The following TYK2 variants were observed in gnomAD, a reference collection of about 807,000 sequenced individuals.
The protein encoded by TYK2 is non-receptor tyrosine-protein kinase TYK2.
A neutral mutation model predicts 130.9 loss-of-function variants in TYK2; 65 were observed. That is an observed-to-expected ratio of 0.50 (90% CI 0.41 to 0.61). The LOEUF (loss-of-function observed/expected upper bound fraction) is 0.61. Ranked by LOEUF, TYK2 falls within the 20% of genes least tolerant of loss-of-function variation. TYK2 has a pLI of 0.00. For synonymous variants in TYK2, 647 were observed against 658.9 expected, an observed-to-expected ratio of 0.98 and a Z score of 0.28; for missense variants, 1,378 against 1,610.7, an observed-to-expected ratio of 0.86 and a Z score of 2.47.
Position 10,357,928 on chromosome 19 carries a change from C to G in TYK2, c.2312-10G>C. 6.2e-7 allele frequency: 1 copy of G among 1,613,532 alleles called. No individual in the cohort carries two copies. Among genetic ancestry groups the G allele is most frequent in the Non-Finnish European group, 8.5e-7 (1 of 1,180,042 alleles). On this transcript the variant is annotated splice_polypyrimidine_tract_variant and intron_variant, in intron 16 of 24. Coordinates refer to ENST00000525621, the MANE Select transcript of TYK2 (RefSeq NM_003331.5). ...ATCCTCTCCACCCGCTCTGGGAGGC[C>G]AAGGTCAGAGGTCACCAAGGGTGAA...
intron 23 of TYK2, chr19:10,351,512 C>T (rs2040801642): frequency 8.8e-5 from 29 of 328,192 alleles, no homozygotes; most frequent in South Asian, 7.2e-4. Flanking sequence ...AATCACTCTG[C>T]AACTTCATGA....
In TYK2 at chr19:10,357,759, C is replaced by A; in HGVS notation, c.2466+5G>T. ...GGGGAGGGCCCAAGGGTCTCCTAGA[C>A]ATACCTCGGAGGGACTGCGGCTCTG... On this transcript the variant is annotated splice_donor_5th_base_variant and intron_variant, in intron 17 of 24. Coordinates refer to ENST00000525621, the MANE Select transcript of TYK2 (RefSeq NM_003331.5). The A allele has an allele frequency of 6.2e-7, 1 of 1,604,292 alleles. No homozygotes were observed. Among genetic ancestry groups the A allele is most frequent in the Non-Finnish European group, 8.5e-7 (1 of 1,175,756 alleles).
Position 10,364,999 on chromosome 19 carries a change from T to C in TYK2, c.1061A>G (p.Lys354Arg). ...GACTGCCTTGTGAGCCTTGGCCTTC[T>C]TCCCAAACAGGCTGGCTTGGGGGTT... Reference protein sequence around the residue: ...GRNPQASLFGKKAKAHKAVGQ... With the variant: ...GRNPQASLFGRKAKAHKAVGQ... The change falls in exon 8 of 25, where the codon AAG (lysine) becomes AGG (arginine). Residue 354 changes from lysine (K) to arginine (R), a missense_variant. Transcript: ENST00000525621. The surrounding 1 kb of genome is among the most constrained non-coding windows in gnomAD (Gnocchi z 4.9). 1 of 1,612,914 alleles carries C rather than the reference T, an allele frequency of 6.2e-7. No individual in the cohort carries two copies. Among genetic ancestry groups the C allele is most frequent in the Non-Finnish European group, 8.5e-7 (1 of 1,179,182 alleles).
Position 10,353,021 on chromosome 19 carries a change from C to G in TYK2, c.3105G>C (p.Arg1035Ser), listed in dbSNP as rs746684874. 3 of 1,602,248 alleles carry G rather than the reference C, an allele frequency of 1.9e-6. No homozygotes were observed. The highest frequency in any genetic ancestry group is 2.6e-6 in the Non-Finnish European group (3 of 1,173,504). Residue 1035 changes from arginine to serine, a missense_variant, in exon 22 of 25, where the codon AGG (arginine) becomes AGC (serine). Arg to Ser is a moderately radical substitution (Grantham distance 110). Transcript: ENST00000525621. This position sits in a 1 kb window ranked among gnomAD's most constrained non-coding sequence, Gnocchi z 6.9. Reference sequence around the variant, plus strand: ...GGCCAAAGTCCCCGATCTTGACCAGCCTGTCGTTGTCCAGCAGCACGTTGC... The same window carrying G: ...GGCCAAAGTCCCCGATCTTGACCAGGCTGTCGTTGTCCAGCAGCACGTTGC... Reference protein sequence around the residue: ...AARNVLLDNDRLVKIGDFGLA... With the variant: ...AARNVLLDNDSLVKIGDFGLA...
chr19:10,369,793 C>T lies in TYK2; in HGVS notation c.194-1375G>A, dbSNP rs1162380404. ...GCGCAGTGGCTCACGCCTATAATCC[C>T]AGCACTTTGGGAGGCTGAGGTGGGC... On this transcript the variant is annotated intron_variant, in intron 3 of 24. Transcript: ENST00000525621. 36 of 449,958 alleles carry T rather than the reference C, an allele frequency of 8.0e-5. No homozygotes were observed. In the Admixed American group the frequency reaches 8.6e-4, roughly 11 times the overall value. The allele number at this position is 449,958 out of a possible 1,614,324, so 27.9% of individuals were successfully genotyped here. A position where few individuals can be genotyped will look rare whatever the true frequency, so the allele number is the denominator to read the frequency against.
Position 10,361,499 on chromosome 19 carries a change from G to A in TYK2, c.2047+12C>T. 1 of 1,545,150 alleles carries A rather than the reference G, an allele frequency of 6.5e-7. No homozygotes were observed. The highest frequency in any genetic ancestry group is 8.7e-7 in the Non-Finnish European group (1 of 1,146,754). ...CTGCCAAAGGGGGATGGGTATGGCGGGACCCACTCACTTTCAGGGCCGCGC... is the reference window on the plus strand; with the variant it reads ...CTGCCAAAGGGGGATGGGTATGGCGAGACCCACTCACTTTCAGGGCCGCGC... On this transcript the variant is annotated intron_variant, in intron 14 of 24. Coordinates refer to ENST00000525621, the MANE Select transcript of TYK2 (RefSeq NM_003331.5). The surrounding 1 kb of genome is among the most constrained non-coding windows in gnomAD (Gnocchi z 4.0).
chr19:10,353,871 G>T lies in TYK2; in HGVS notation c.2908+171C>A. On this transcript the variant is annotated intron_variant, in intron 20 of 24. Transcript: ENST00000525621. This position sits in a 1 kb window ranked among gnomAD's most constrained non-coding sequence, Gnocchi z 6.9. Reference sequence around the variant, plus strand: ...TGGCCCCAGCAGGTAGCACCCCCCAGATGGGAAGGAGGCAGCCCAGCCACG... The same window carrying T: ...TGGCCCCAGCAGGTAGCACCCCCCATATGGGAAGGAGGCAGCCCAGCCACG... 1.3e-6 allele frequency: 1 copy of T among 781,202 alleles called. No individual in the cohort carries two copies. Among genetic ancestry groups the T allele is most frequent in the Non-Finnish European group, 2.1e-6 (1 of 480,492 alleles). The allele number at this position is 781,202 out of a possible 1,614,324, so 48.4% of individuals were successfully genotyped here.
At chr19:10,369,501 G>A (rs963893704) in intron 3 of TYK2, among the ~76,000 whole-genome samples, 1 of 152,028 alleles carries the variant, frequency 6.6e-6, no homozygotes, top group African/African-American at 2.4e-5. Context: ...TGGGATTATG[G>A]CTATGAGCCA....
intron 23 of TYK2, 83 bp downstream of exon 23, chr19:10,352,351 C>A: frequency 1.1e-6 from 1 of 949,212 alleles, no homozygotes; most frequent in Middle Eastern, 3.1e-4. Flanking sequence ...GGATTACAGG[C>A]TTGAGCCACC....
In TYK2 at chr19:10,361,973, A is replaced by AC; in HGVS notation, c.1774-19dup. On this transcript the variant is annotated intron_variant, in intron 12 of 24. Coordinates refer to ENST00000525621, the MANE Select transcript of TYK2 (RefSeq NM_003331.5). The surrounding 1 kb of genome is among the most constrained non-coding windows in gnomAD (Gnocchi z 4.0). ...TGGGACAGCTGCGGGATCATGTGGC[A>AC]CAGAATACCGCCATGGTGAAAGTTA... 6.2e-7 allele frequency: 1 copy of AC among 1,613,880 alleles called. No homozygotes were observed. The highest frequency in any genetic ancestry group is 8.5e-7 in the Non-Finnish European group (1 of 1,179,934).
At position 10,364,659 on chromosome 19, in the gene TYK2, G is replaced by C. The variant is rs770604675; in HGVS notation, c.1322C>G (p.Pro441Arg). The C allele has an allele frequency of 5.0e-5, 81 of 1,613,904 alleles. No individual in the cohort carries two copies. The highest frequency in any genetic ancestry group is 6.7e-5 in the Non-Finnish European group (79 of 1,179,988). The part of the protein sequence containing the change: ...SHYLCHEVAP[P>R]RLVMSIRDGI... ...ATCCCGGATGCTCATCACCAGCCGT[G>C]GGGGAGCCACCTCGTGGCACAGGTA... Residue 441 changes from proline to arginine, a missense_variant, in exon 9 of 25, where the codon CCA becomes CGA. Pro to Arg is a moderately radical substitution (Grantham distance 103). Transcript: ENST00000525621. The surrounding 1 kb of genome is among the most constrained non-coding windows in gnomAD (Gnocchi z 4.9).
rs943066074 is a variant in TYK2, at chr19:10,359,188, G to A, written c.2162C>T (p.Ala721Val). 6.2e-7 allele frequency: 1 copy of A among 1,603,856 alleles called. No individual in the cohort carries two copies. The highest frequency in any genetic ancestry group is 2.2e-5 in the East Asian group (1 of 44,848). Residue 721 changes from alanine (A) to valine (V), a missense_variant, in exon 15 of 25, where the codon GCC (alanine) becomes GTC (valine). By Grantham distance (64) the Ala-to-Val change is moderately conservative. Coordinates refer to ENST00000525621, the MANE Select transcript of TYK2 (RefSeq NM_003331.5). ...KMVVAQQLAS[A>V]LSYLENKNLV... ...CAGGCCACACACCAGGTAGCTGAGG[G>A]CGCTGGCCAGCTGCTGGGCCACCAC...
At position 10,353,214 on chromosome 19, in the gene TYK2, C is replaced by T; in HGVS notation, c.3028-116G>A. ...CAGTCAGGTCAGGCCGGTGGCTACC[C>T]GGCCGCTGGAGAGGGCCGGATGGCA... On this transcript the variant is annotated intron_variant, in intron 21 of 24. Transcript: ENST00000525621. This position sits in a 1 kb window ranked among gnomAD's most constrained non-coding sequence, Gnocchi z 6.9. 1.1e-6 allele frequency: 1 copy of T among 927,984 alleles called. No homozygotes were observed. Among genetic ancestry groups the T allele is most frequent in the Admixed American group, 3.3e-5 (1 of 29,996 alleles). The allele number at this position is 927,984 out of a possible 1,614,324, so 57.5% of individuals were successfully genotyped here. A position where few individuals can be genotyped will look rare whatever the true frequency, so the allele number is the denominator to read the frequency against.
Position 10,364,514 on chromosome 19 carries a change from A to G in TYK2, c.1367+100T>C. ...GGGCGACAAAAAATAAAAAAAAAAT[A>G]AGACGTGCACCTACACACACACCCT... On this transcript the variant is annotated intron_variant, in intron 9 of 24. Transcript: ENST00000525621. The surrounding 1 kb of genome is among the most constrained non-coding windows in gnomAD (Gnocchi z 4.9). 2 of 1,365,524 alleles carry G rather than the reference A, an allele frequency of 1.5e-6. No homozygotes were observed. Among genetic ancestry groups the G allele is most frequent in the Non-Finnish European group, 2.0e-6 (2 of 984,294 alleles). The allele number at this position is 1,365,524 out of a possible 1,614,324, so 84.6% of individuals were successfully genotyped here. A position where few individuals can be genotyped will look rare whatever the true frequency, so the allele number is the denominator to read the frequency against.
intron 5 of TYK2, 35 bp from the exon 6 acceptor site, chr19:10,366,615 G>C: frequency 6.2e-7 from 1 of 1,612,756 alleles, no homozygotes; most frequent in South Asian, 1.1e-5. Flanking sequence ...AGGGAGGTGT[G>C]AGAATGCGTT....
At position 10,354,190 on chromosome 19, in the gene TYK2, G is replaced by A; in HGVS notation, c.2760C>T (p.Asn920=). Residue 920 remains asparagine (N), a synonymous_variant, in exon 20 of 25, where the codon AAC becomes AAT. Coordinates refer to ENST00000525621, the MANE Select transcript of TYK2 (RefSeq NM_003331.5). ...KVSLYCYDPT[N]DGTGEMVAVK... ...CCGCCACCATCTCGCCAGTGCCGTCGTTGGTCGGATCGTAGCAGTACAAGC... is the reference window on the plus strand; with the variant it reads ...CCGCCACCATCTCGCCAGTGCCGTCATTGGTCGGATCGTAGCAGTACAAGC... The A allele has an allele frequency of 6.2e-7, 1 of 1,613,716 alleles. No homozygotes were observed. The highest frequency in any genetic ancestry group is 8.5e-7 in the Non-Finnish European group (1 of 1,180,034).
chr19:10,353,281 C>T lies in TYK2; in HGVS notation c.3028-183G>A. On this transcript the variant is annotated intron_variant, in intron 21 of 24. Coordinates refer to ENST00000525621, the MANE Select transcript of TYK2 (RefSeq NM_003331.5). This position sits in a 1 kb window ranked among gnomAD's most constrained non-coding sequence, Gnocchi z 6.9. ...AGGAGGCTGAGCCAGAAAGCAGGGA[C>T]GGGGCTAGACGAGCAAAGCTGGGCA... 1 of 582,710 alleles carries T rather than the reference C, an allele frequency of 1.7e-6. No individual in the cohort carries two copies. Among genetic ancestry groups the T allele is most frequent in the Non-Finnish European group, 2.9e-6 (1 of 346,776 alleles). 36.1% of individuals were successfully genotyped at this position (582,710 alleles called of 1,614,324 possible).
At chr19:10,358,721 G>T (rs1428065435) in intron 15 of TYK2, among the ~76,000 whole-genome samples, 1 of 151,722 alleles carries the variant, frequency 6.6e-6, no homozygotes, top group Non-Finnish European at 1.5e-5. Context: ...CTCCCAAACT[G>T]CTGGGATTAC....
chr19:10,357,225 CA>C (rs1408847249), intron 17 of TYK2: 6 of 478,212 alleles, frequency 1.3e-5, no homozygotes, highest in Admixed American at 1.1e-4. Flanking sequence ...CCCATCTCTA[CA>C]AAAAATACAA....
Sources: gnomAD v4.1 joint callset for allele counts (sites outside exome capture counted in the v4.1 genomes callset) on GRCh38, gnomAD v4.1.1 for gene constraint, Gnocchi (gnomAD v3.1) non-coding constraint, MANE v1.5 for transcripts, NCBI Gene and HGNC (gene_info 2026-07-23, HGNC 2026-07-21) for gene names.